Variants in BAZ1B observed in about 807,000 individuals in gnomAD.
BAZ1B encodes bromodomain adjacent to zinc finger domain 1B.
BAZ1B carries 22 observed loss-of-function variants against 153.8 expected under a neutral mutation model. The ratio of observed to expected loss-of-function variants is 0.14; its 90% CI spans 0.10 to 0.20. The LOEUF is 0.20. Ranked by LOEUF, BAZ1B falls within the 10% of genes least tolerant of loss-of-function variation. The pLI is 1.00. For missense variants in BAZ1B, 1,325 were observed against 1,799.3 expected, an observed-to-expected ratio of 0.74 and a Z score of 4.77; for synonymous variants, 676 against 633.4, an observed-to-expected ratio of 1.07 and a Z score of -1.01.
intron 3 of BAZ1B, among the ~76,000 whole-genome samples, chr7:73,505,687 A>T (rs1417064540): frequency 6.6e-6 from 1 of 151,640 alleles, no homozygotes; most frequent in Non-Finnish European, 1.5e-5. Context: ...AGTAGCTGGG[A>T]CTACAGGCAT....
At chr7:73,515,731 G>T (rs888440522) in intron 1 of BAZ1B, among the ~76,000 whole-genome samples, 1 of 151,816 alleles carries the variant, frequency 6.6e-6, no homozygotes, top group African/African-American at 2.4e-5. Context: ...GTAGAGACAG[G>T]GTTTCATTCA....
At position 73,468,417 on chromosome 7, in the gene BAZ1B, G is replaced by GA. The variant is rs147993325; in HGVS notation, c.2866+1099dup. Reference sequence around the variant, plus strand: ...TTCCTCATCAGTGTCATGGTGGGAGGAAAAAAAAAAAGATTCATCTAGCCC... The same window carrying GA: ...TTCCTCATCAGTGTCATGGTGGGAGGAAAAAAAAAAAAGATTCATCTAGCCC... On this transcript the variant is annotated intron_variant, in intron 9 of 19. Transcript: ENST00000339594. 8.3e-4 allele frequency among the ~76,000 whole-genome samples: 118 copies of GA among 142,030 alleles called. No homozygotes were observed. In the South Asian group the frequency reaches 0.016, roughly 19 times the overall value. The allele number at this position is 142,030 out of a possible 152,430, so 93.2% of individuals were successfully genotyped here.
At chr7:73,517,364 T>G (rs918913336) in intron 1 of BAZ1B, among the ~76,000 whole-genome samples, 1 of 151,940 alleles carries the variant, frequency 6.6e-6, no homozygotes, top group Non-Finnish European at 1.5e-5. Flanking sequence ...CGTGGTGGTG[T>G]GCACCTATGG....
chr7:73,475,474 G>A (rs1788962202), intron 7 of BAZ1B, among the ~76,000 whole-genome samples: 2 of 152,224 alleles, frequency 1.3e-5, no homozygotes, highest in South Asian at 4.1e-4. Context: ...GCCATAAAAA[G>A]GCTACATATT....
chr7:73,456,153 TAACTC>T (rs1788189674), intron 13 of BAZ1B, among the ~76,000 whole-genome samples: 1 of 152,142 alleles, frequency 6.6e-6, no homozygotes, highest in Non-Finnish European at 1.5e-5. Flanking sequence ...TGACAAAAAT[TAACTC>T]AAATGATCAA....
At chr7:73,444,473 T>C (rs566359471) in intron 16 of BAZ1B, among the ~76,000 whole-genome samples, 5 of 152,340 alleles carry the variant, frequency 3.3e-5, no homozygotes, top group African/African-American at 1.2e-4. Context: ...AGCCATTTGC[T>C]AATAGGTCAG....
At chr7:73,449,418 G>T in intron 15 of BAZ1B, 124 bp downstream of exon 15, 1 of 1,192,158 alleles carries the variant, frequency 8.4e-7, no homozygotes, top group Non-Finnish European at 1.1e-6. Context: ...TAAATGATCA[G>T]GCTCTGTACC....
chr7:73,470,625 C>T (rs1236060053), intron 7 of BAZ1B, 142 bp from the exon 8 acceptor site: 1 of 996,032 alleles, frequency 1.0e-6, no homozygotes, highest in Non-Finnish European at 1.4e-6. Context: ...TAATCTGTTA[C>T]AAGAAATTAC....
At chr7:73,455,130 T>A (rs1185437010) in intron 13 of BAZ1B, among the ~76,000 whole-genome samples, 1 of 151,820 alleles carries the variant, frequency 6.6e-6, no homozygotes, top group African/African-American at 2.4e-5. Context: ...CAAGATCCGC[T>A]AGCCTCAGCC....
chr7:73,475,409 T>G (rs1554572609), intron 7 of BAZ1B, among the ~76,000 whole-genome samples: 1 of 152,176 alleles, frequency 6.6e-6, no homozygotes, highest in African/African-American at 2.4e-5. Flanking sequence ...AATGAAGTAC[T>G]AACACATGCT....
At chr7:73,480,571 T>C (rs1300359613) in intron 6 of BAZ1B, among the ~76,000 whole-genome samples, 6 of 152,194 alleles carry the variant, frequency 3.9e-5, no homozygotes, top group African/African-American at 1.4e-4. Flanking sequence ...GGGAAAAGAC[T>C]AGATCAACTC....
At chr7:73,510,147 G>A (rs902303548) in intron 2 of BAZ1B, among the ~76,000 whole-genome samples, 2 of 145,194 alleles carry the variant, frequency 1.4e-5, no homozygotes, top group African/African-American at 5.1e-5. Context: ...ATAAGAATAA[G>A]GGCCAGGCGC....
At chr7:73,494,993 T>G (rs192737316) in intron 4 of BAZ1B, among the ~76,000 whole-genome samples, 83 of 152,192 alleles carry the variant, frequency 5.5e-4, no homozygotes, top group East Asian at 5.8e-4. Flanking sequence ...CTAAACTGCA[T>G]AAAGGAGGGG....
rs1791071057 is a variant in BAZ1B, at chr7:73,521,925, C to A, written c.9G>T (p.Pro3=). 5 of 1,463,502 alleles carry A rather than the reference C, an allele frequency of 3.4e-6. No individual in the cohort carries two copies. The highest frequency in any genetic ancestry group is 4.5e-6 in the Non-Finnish European group (5 of 1,100,338). The allele number at this position is 1,463,502 out of a possible 1,614,324, so 90.7% of individuals were successfully genotyped here. A position where few individuals can be genotyped will look rare whatever the true frequency, so the allele number is the denominator to read the frequency against. The change falls in exon 1 of 20, where the codon CCG becomes CCT. Residue 3 remains proline (P), a synonymous_variant. Transcript: ENST00000339594. MA[P]LLGRKPFPLV... ...GCGGGAAGGGCTTGCGGCCCAGGAG[C>A]GGCGCCATCGCGGCGGCGGCGGTGG...
chr7:73,475,475 G>C (rs1271255398), intron 7 of BAZ1B, among the ~76,000 whole-genome samples: 2 of 152,198 alleles, frequency 1.3e-5, no homozygotes, highest in African/African-American at 4.8e-5. Context: ...CCATAAAAAG[G>C]CTACATATTA....
chr7:73,478,651 T>A (rs1478297613), intron 6 of BAZ1B, 82 bp from the exon 7 acceptor site: 5 of 1,181,736 alleles, frequency 4.2e-6, no homozygotes, highest in Admixed American at 6.1e-5. Flanking sequence ...AAAGGCCCTC[T>A]TCCCCAGCTA....
At chr7:73,449,889 C>A (rs954126598) in intron 14 of BAZ1B, among the ~76,000 whole-genome samples, 200 bp from the exon 15 acceptor site, 2 of 152,184 alleles carry the variant, frequency 1.3e-5, no homozygotes, top group African/African-American at 2.4e-5. Context: ...ATTTGGGAAT[C>A]AGGTCTCCTA....
At chr7:73,454,336 A>G (rs887881617) in intron 13 of BAZ1B, among the ~76,000 whole-genome samples, 2 of 152,114 alleles carry the variant, frequency 1.3e-5, no homozygotes, top group Non-Finnish European at 2.9e-5. Context: ...GAAACACAGG[A>G]AGGTGAAAAC....
At chr7:73,516,522 C>T (rs552467875) in intron 1 of BAZ1B, among the ~76,000 whole-genome samples, 4 of 151,970 alleles carry the variant, frequency 2.6e-5, no homozygotes, top group African/African-American at 4.8e-5. Flanking sequence ...CGGTGGCTCA[C>T]GTCTGTAATC....
Sources: allele counts gnomAD v4.1 joint callset (sites outside exome capture counted in the v4.1 genomes callset), GRCh38; gene constraint gnomAD v4.1.1; transcripts MANE v1.5; gene names NCBI Gene and HGNC (gene_info 2026-07-23, HGNC 2026-07-21).